Variants in RHBDL2 observed in about 807,000 individuals in gnomAD.
The protein encoded by RHBDL2 is rhomboid-related protein 2.
Under a neutral mutation model 31.7 loss-of-function variants are expected in RHBDL2, and 26 were observed. That is an observed-to-expected ratio of 0.82 (90% CI 0.60 to 1.14). The LOEUF is 1.14. Ranked by LOEUF, RHBDL2 falls within the 50% of genes most tolerant of loss-of-function variation. RHBDL2 has a pLI of 0.00. For missense variants in RHBDL2, 336 were observed against 364.4 expected (o/e 0.92, Z 0.63); for synonymous variants, 123 against 127.2 (o/e 0.97, Z 0.22).
chr1:38,931,361 A>G (rs1391364294), intron 1 of RHBDL2, among the ~76,000 whole-genome samples: 1 of 152,044 alleles, frequency 6.6e-6, no homozygotes, highest in Non-Finnish European at 1.5e-5. Context: ...CTCTACTAAA[A>G]ATACAAAAAA....
intron 2 of RHBDL2, among the ~76,000 whole-genome samples, chr1:38,916,936 A>G (rs1382491376): frequency 1.3e-5 from 2 of 151,916 alleles, no homozygotes; most frequent in Non-Finnish European, 2.9e-5. Context: ...GGTTTGAAAA[A>G]AAAGAAAAAA....
At chr1:38,910,457 TAAAC>T (rs995585612) in intron 4 of RHBDL2, among the ~76,000 whole-genome samples, 1 of 152,134 alleles carries the variant, frequency 6.6e-6, no homozygotes, top group African/African-American at 2.4e-5. Flanking sequence ...TTCCAATAAA[TAAAC>T]AAATGGATGG....
intron 1 of RHBDL2, among the ~76,000 whole-genome samples, chr1:38,932,728 G>C (rs755119749): frequency 2.6e-5 from 4 of 152,168 alleles, no homozygotes; most frequent in Non-Finnish European, 5.9e-5. Context: ...CTGAAGTGCT[G>C]GAATTACAGG....
At chr1:38,888,593 G>C (rs967286417) in intron 6 of RHBDL2, among the ~76,000 whole-genome samples, 6 of 152,120 alleles carry the variant, frequency 3.9e-5, no homozygotes, top group African/African-American at 1.4e-4. Context: ...GGAAGACCAA[G>C]TACAAAGTCC....
intron 3 of RHBDL2, among the ~76,000 whole-genome samples, chr1:38,915,213 ACCTCCG>A (rs1203572147): frequency 1.4e-5 from 2 of 145,050 alleles, no homozygotes; most frequent in African/African-American, 5.1e-5. Context: ...GCTTACTGCA[ACCTCCG>A]CCTCCCAGGT....
At position 38,888,058 on chromosome 1, in the gene RHBDL2, A is replaced by G. The variant is rs779223137; in HGVS notation, c.671-34T>C. 84 of 1,458,678 alleles carry G rather than the reference A, an allele frequency of 5.8e-5. 1 individual carries two copies. The highest frequency in any genetic ancestry group is 7.9e-5 in the Non-Finnish European group (82 of 1,041,072). The allele number at this position is 1,458,678 out of a possible 1,614,324, so 90.4% of individuals were successfully genotyped here. Reference sequence around the variant, plus strand: ...AAAAACACCCTGATAAAGGCTCAGAATCTCCACAGTAGTACACCAAATGTT... The same window carrying G: ...AAAAACACCCTGATAAAGGCTCAGAGTCTCCACAGTAGTACACCAAATGTT... On this transcript the variant is annotated intron_variant, in intron 6 of 7. Coordinates refer to ENST00000372990, the MANE Select transcript of RHBDL2 (RefSeq NM_017821.5).
At chr1:38,912,948 G>GTGTGTGTGTGTGTA (rs776145220) in intron 3 of RHBDL2, among the ~76,000 whole-genome samples, 6 of 106,628 alleles carry the variant, frequency 5.6e-5, no homozygotes, top group African/African-American at 2.5e-4. Context: ...GTGTGTGTGT[G>GTGTGTGTGTGTGTA]TATTTACATA....
chr1:38,906,635 C>T (rs1172483091), intron 4 of RHBDL2, among the ~76,000 whole-genome samples: 2 of 151,382 alleles, frequency 1.3e-5, no homozygotes, highest in East Asian at 3.9e-4. Flanking sequence ...GATCGCACCA[C>T]TGCACTCCAG....
chr1:38,905,222 C>T (rs1643048153), intron 4 of RHBDL2, among the ~76,000 whole-genome samples: 1 of 149,830 alleles, frequency 6.7e-6, no homozygotes, highest in South Asian at 2.1e-4. Context: ...CATGAGCCAC[C>T]ATGCCTGGCC....
chr1:38,914,166 C>A (rs918459083), intron 3 of RHBDL2, among the ~76,000 whole-genome samples: 1 of 151,804 alleles, frequency 6.6e-6, no homozygotes, highest in African/African-American at 2.4e-5. Flanking sequence ...ATGGCGGGCA[C>A]TGCATCTCCT....
intron 7 of RHBDL2, among the ~76,000 whole-genome samples, chr1:38,887,401 T>C (rs1202859525): frequency 1.3e-5 from 2 of 150,866 alleles, no homozygotes; most frequent in Non-Finnish European, 3.0e-5. Context: ...CTTTTTATTC[T>C]ATGTGGACAG....
chr1:38,924,635 C>G (rs944323652), intron 1 of RHBDL2, among the ~76,000 whole-genome samples: 1 of 151,916 alleles, frequency 6.6e-6, no homozygotes, highest in Non-Finnish European at 1.5e-5. Context: ...TTGCTACTTC[C>G]TGACTTTGCC....
rs533073951 is a variant in RHBDL2 at position 38,911,571 on chromosome 1, G to A, written c.396-137C>T. On this transcript the variant is annotated intron_variant, in intron 3 of 7. Transcript: ENST00000372990. ...GAATTCCATTTTCTAATTTTTCTTC[G>A]CAGACAACTCTTTTTTTCTTTTTCT... 1.2e-3 allele frequency: 715 copies of A among 621,610 alleles called. 1 individual carries two copies. Among genetic ancestry groups the A allele is most frequent in the Non-Finnish European group, 1.4e-3 (509 of 351,164 alleles). The allele number at this position is 621,610 out of a possible 1,614,324, so 38.5% of individuals were successfully genotyped here. A position where few individuals can be genotyped will look rare whatever the true frequency, so the allele number is the denominator to read the frequency against.
At chr1:38,939,092 C>A (rs1643537384) in intron 1 of RHBDL2, among the ~76,000 whole-genome samples, 2 of 152,222 alleles carry the variant, frequency 1.3e-5, no homozygotes, top group East Asian at 1.9e-4. Flanking sequence ...ATAAACAGAG[C>A]ACTTGATTTA....
At chr1:38,905,130 G>A (rs1157519082) in intron 4 of RHBDL2, among the ~76,000 whole-genome samples, 2 of 151,914 alleles carry the variant, frequency 1.3e-5, no homozygotes, top group African/African-American at 2.4e-5. Flanking sequence ...GGTGGCTCAC[G>A]CCTGTAATCT....
chr1:38,912,948 G>GTTTA (rs776145220), intron 3 of RHBDL2, among the ~76,000 whole-genome samples: 1 of 106,622 alleles, frequency 9.4e-6, no homozygotes, highest in Non-Finnish European at 1.8e-5. Context: ...GTGTGTGTGT[G>GTTTA]TATTTACATA....
At chr1:38,924,535 A>G (rs1188232443) in intron 1 of RHBDL2, among the ~76,000 whole-genome samples, 1 of 151,996 alleles carries the variant, frequency 6.6e-6, no homozygotes, top group Non-Finnish European at 1.5e-5. Context: ...CGGAGGTTGC[A>G]GTGAGCCGAG....
At chr1:38,898,719 G>A (rs1557610169) in intron 4 of RHBDL2, among the ~76,000 whole-genome samples, 1 of 152,120 alleles carries the variant, frequency 6.6e-6, no homozygotes, top group Non-Finnish European at 1.5e-5. Context: ...GATAGATCTG[G>A]ACTGCTAGAG....
At chr1:38,925,008 T>C (rs190322514) in intron 1 of RHBDL2, among the ~76,000 whole-genome samples, 2 of 151,156 alleles carry the variant, frequency 1.3e-5, no homozygotes, top group African/African-American at 4.8e-5. Flanking sequence ...CTCAAACTCC[T>C]GACCTCAAGT....
Sources: allele counts gnomAD v4.1 joint callset (sites outside exome capture counted in the v4.1 genomes callset), GRCh38; gene constraint gnomAD v4.1.1; transcripts MANE v1.5; gene names NCBI Gene and HGNC (gene_info 2026-07-23, HGNC 2026-07-21).